The following HNRNPA1L2 variants were observed in gnomAD, a reference collection of about 807,000 sequenced individuals.
The protein encoded by HNRNPA1L2 is heterogeneous nuclear ribonucleoprotein A1 like 2, also known as heterogeneous nuclear ribonucleoprotein A1-like 2.
A neutral mutation model predicts 18.2 loss-of-function variants in HNRNPA1L2; 10 were observed. The observed-to-expected ratio is 0.55, with a 90% CI of 0.34 to 0.93. The LOEUF is 0.93. Among genes scored for constraint, HNRNPA1L2 ranks in the 40% least tolerant of loss-of-function variants. HNRNPA1L2 has a pLI of 0.02. For synonymous variants in HNRNPA1L2, 124 were observed against 138.6 expected, an observed-to-expected ratio of 0.89 and a Z score of 0.74; for missense variants, 308 against 394.4, an observed-to-expected ratio of 0.78 and a Z score of 1.85.
At chr13:52,629,784 T>C in the HNRNPA1L2 span, among the ~76,000 whole-genome samples, 1 of 152,128 alleles carries the variant, frequency 6.6e-6, no homozygotes, top group African/African-American at 2.4e-5. Flanking sequence ...TGACCCACCA[T>C]CAACGAAAAG....
the HNRNPA1L2 span, among the ~76,000 whole-genome samples, chr13:52,622,469 T>A: frequency 6.6e-6 from 1 of 152,210 alleles, no homozygotes; most frequent in Non-Finnish European, 1.5e-5. Context: ...AACAAGAGGA[T>A]ATCTGTACAC....
At chr13:52,642,262 A>G, upstream of HNRNPA1L2, 1 of 568,896 alleles carries the variant, frequency 1.8e-6, no homozygotes, top group Non-Finnish European at 3.0e-6. Flanking sequence ...ACAGCAAGGA[A>G]GAAGGGAGGA....
chr13:52,634,102 A>G, the HNRNPA1L2 span, among the ~76,000 whole-genome samples: 70,638 of 152,016 alleles, frequency 0.46, 16,612 homozygotes, highest in Admixed American at 0.52. Flanking sequence ...ACATTTGTTC[A>G]TTAGAACTGA....
chr13:52,624,638 A>G, the HNRNPA1L2 span, among the ~76,000 whole-genome samples: 1 of 152,228 alleles, frequency 6.6e-6, no homozygotes, highest in East Asian at 1.9e-4. Context: ...TTTTTAAGAA[A>G]CACAGAAAAA....
chr13:52,631,779 C>G, the HNRNPA1L2 span, among the ~76,000 whole-genome samples: 1 of 152,088 alleles, frequency 6.6e-6, no homozygotes, highest in Non-Finnish European at 1.5e-5. Flanking sequence ...TAAATTGATG[C>G]ATAAAACAGT....
At chr13:52,642,354 A>T, upstream of HNRNPA1L2, 1 of 1,172,790 alleles carries the variant, frequency 8.5e-7, no homozygotes, top group Non-Finnish European at 1.2e-6. Flanking sequence ...TGAAAAATGT[A>T]TTTATTTCCC....
At chr13:52,626,228 A>C in the HNRNPA1L2 span, among the ~76,000 whole-genome samples, 12,001 of 152,102 alleles carry the variant, frequency 0.079, 670 homozygotes, top group African/African-American at 0.15. Flanking sequence ...CATAATACAG[A>C]AAGCCAGGCA....
chr13:52,629,574 A>C, the HNRNPA1L2 span, among the ~76,000 whole-genome samples: 1,222 of 152,338 alleles, frequency 8.0e-3, 6 homozygotes, highest in African/African-American at 0.019. Context: ...ACCTTAAATC[A>C]AAATAGGCCA....
chr13:52,622,230 C>G, the HNRNPA1L2 span: 1 of 154,914 alleles, frequency 6.5e-6, no homozygotes, highest in South Asian at 2.1e-4. Flanking sequence ...AACTGGCGGG[C>G]CTCAAAGAGC....
At chr13:52,622,370 T>C in the HNRNPA1L2 span, 1 of 152,290 alleles carries the variant, frequency 6.6e-6, no homozygotes, top group Admixed American at 6.5e-5. Context: ...TTGGGAGATA[T>C]TGAATTAATG....
chr13:52,629,967 A>G, the HNRNPA1L2 span, among the ~76,000 whole-genome samples: 1 of 152,178 alleles, frequency 6.6e-6, no homozygotes, highest in Non-Finnish European at 1.5e-5. Flanking sequence ...GAGCTCCTGC[A>G]ATCCCAGCTA....
At chr13:52,623,732 A>G in the HNRNPA1L2 span, among the ~76,000 whole-genome samples, 1 of 152,060 alleles carries the variant, frequency 6.6e-6, no homozygotes, top group Admixed American at 6.6e-5. Flanking sequence ...TCTTTGTATT[A>G]TATATTAAAT....
chr13:52,639,764 C>T (rs147830869), upstream of HNRNPA1L2, among the ~76,000 whole-genome samples: 132 of 150,722 alleles, frequency 8.8e-4, no homozygotes, highest in Non-Finnish European at 1.5e-3. Context: ...TGGAAACCCT[C>T]ATGCCTTTCT....
the HNRNPA1L2 span, among the ~76,000 whole-genome samples, chr13:52,620,477 T>A: frequency 6.6e-6 from 1 of 152,208 alleles, no homozygotes; most frequent in Admixed American, 6.5e-5. Context: ...GCTACTGTAA[T>A]GTGGTCCCCT....
chr13:52,636,906 A>C, the HNRNPA1L2 span, among the ~76,000 whole-genome samples: 1 of 152,126 alleles, frequency 6.6e-6, no homozygotes. Flanking sequence ...ATCTTGGCTT[A>C]CTGTAACCTC....
At chr13:52,624,588 A>G in the HNRNPA1L2 span, among the ~76,000 whole-genome samples, 17 of 152,234 alleles carry the variant, frequency 1.1e-4, no homozygotes, top group Non-Finnish European at 1.9e-4. Context: ...GGCCCTCTGT[A>G]TGCGTAGGTT....
At chr13:52,621,689 A>T in the HNRNPA1L2 span, among the ~76,000 whole-genome samples, 1 of 152,122 alleles carries the variant, frequency 6.6e-6, no homozygotes, top group South Asian at 2.1e-4. Context: ...TTAGGCCTTA[A>T]TGGGCTGTGA....
At chr13:52,641,625 A>T (rs1961658725), upstream of HNRNPA1L2, 1 of 152,136 alleles carries the variant, frequency 6.6e-6, no homozygotes, top group South Asian at 2.1e-4. Context: ...CTCTGTTTTC[A>T]ACTTGTCCGC....
At chr13:52,640,015 C>T (rs543254381), upstream of HNRNPA1L2, among the ~76,000 whole-genome samples, 1 of 151,734 alleles carries the variant, frequency 6.6e-6, no homozygotes, top group Admixed American at 6.6e-5. Context: ...ACTTGGCTCA[C>T]TGCAACTGTC....
Sources: allele counts gnomAD v4.1 joint callset (sites outside exome capture counted in the v4.1 genomes callset), GRCh38; gene constraint gnomAD v4.1.1; transcripts MANE v1.5; gene names NCBI Gene and HGNC (gene_info 2026-07-23, HGNC 2026-07-21).